Variants in TAS2R1 observed in about 807,000 individuals in gnomAD.
The protein encoded by TAS2R1 is taste 2 receptor member 1, also known as taste receptor type 2 member 1.
For synonymous variants in TAS2R1, 141 were observed against 134.2 expected (o/e 1.05, Z -0.35); for missense variants, 370 against 353.4 (o/e 1.05, Z -0.38).
the TAS2R1 span, among the ~76,000 whole-genome samples, chr5:9,858,688 G>A: frequency 1.3e-5 from 2 of 152,184 alleles, no homozygotes; most frequent in African/African-American, 4.8e-5. Context: ...TAGTCTCTGG[G>A]AGGACAATAT....
In TAS2R1 at chr5:9,684,314, T is replaced by A. The variant is rs75891380; in HGVS notation, c.-241-24733A>T. On this transcript the variant is annotated intron_variant, in intron 1 of 2. Coordinates refer to the TAS2R1 transcript ENST00000506620. The stretch of plus-strand genomic sequence containing the variant: ...AGTCAAGCACAGAAAGAGAAATACC[T>A]CACGTTCTTGCTCATATGTGGGAGC... Among the ~76,000 whole-genome samples the A allele has an allele frequency of 7.8e-3, 1,181 of 152,306 alleles. 11 individuals are homozygous for A. Among genetic ancestry groups the A allele is most frequent in the African/African-American group, 0.026 (1,085 of 41,568 alleles).
upstream of TAS2R1, chr5:9,712,925 C>T (rs1289233603): frequency 1.3e-5 from 2 of 152,090 alleles, no homozygotes; most frequent in African/African-American, 4.8e-5. Flanking sequence ...CACCCTCCCA[C>T]CTTCCTCACA....
the TAS2R1 span, chr5:9,883,975 T>A: frequency 6.6e-6 from 1 of 152,194 alleles, no homozygotes; most frequent in African/African-American, 2.4e-5. Flanking sequence ...TGTTCAGCCA[T>A]CTTGTGAGGA....
At chr5:9,875,005 C>T in the TAS2R1 span, among the ~76,000 whole-genome samples, 17 of 152,206 alleles carry the variant, frequency 1.1e-4, no homozygotes, top group South Asian at 6.2e-4. Flanking sequence ...GCTTAGGGAG[C>T]CCCCATAAAA....
the TAS2R1 span, among the ~76,000 whole-genome samples, chr5:9,858,516 G>A: frequency 1.3e-5 from 2 of 152,182 alleles, no homozygotes; most frequent in African/African-American, 4.8e-5. Flanking sequence ...AACACATTGA[G>A]TAAAAGGAGT....
At chr5:9,797,501 G>A in the TAS2R1 span, among the ~76,000 whole-genome samples, 1 of 152,106 alleles carries the variant, frequency 6.6e-6, no homozygotes, top group African/African-American at 2.4e-5. Flanking sequence ...ACAGAAGAAA[G>A]CATGAATTAA....
Position 9,682,028 on chromosome 5 carries a change from C to A in TAS2R1, c.-241-22447G>T, listed in dbSNP as rs985176449. 4.6e-5 allele frequency among the ~76,000 whole-genome samples: 7 copies of A among 152,104 alleles called. No individual in the cohort carries two copies. The East Asian group carries it at 1.3e-3, about 29-fold the overall frequency. On this transcript the variant is annotated intron_variant, in intron 1 of 2. Transcript: ENST00000506620. ...TCACCTGAGGACAAGGGTTATGTCTCATTTTTTTTCTTTATCTTCAATATG... is the reference window on the plus strand; with the variant it reads ...TCACCTGAGGACAAGGGTTATGTCTAATTTTTTTTCTTTATCTTCAATATG...
At chr5:9,735,573 A>T in the TAS2R1 span, among the ~76,000 whole-genome samples, 2 of 151,946 alleles carry the variant, frequency 1.3e-5, no homozygotes, top group Non-Finnish European at 2.9e-5. Context: ...TTTTAACCTC[A>T]GGTTTATAGA....
the TAS2R1 span, among the ~76,000 whole-genome samples, chr5:9,870,815 G>C: frequency 6.6e-6 from 1 of 152,094 alleles, no homozygotes; most frequent in Non-Finnish European, 1.5e-5. Flanking sequence ...TGAATGAGAG[G>C]ATCAAATGCA....
chr5:9,897,768 GA>G, the TAS2R1 span, among the ~76,000 whole-genome samples: 1 of 152,154 alleles, frequency 6.6e-6, no homozygotes, highest in South Asian at 2.1e-4. Context: ...TACTTTGGTA[GA>G]CTAAGCAGTT....
the TAS2R1 span, among the ~76,000 whole-genome samples, chr5:9,861,930 A>G: frequency 2.0e-5 from 3 of 152,222 alleles, no homozygotes; most frequent in African/African-American, 7.2e-5. Flanking sequence ...ACTTAAGCAT[A>G]ATGGAACGAA....
chr5:9,714,624 A>G (rs1734768783), upstream of TAS2R1, among the ~76,000 whole-genome samples: 1 of 152,260 alleles, frequency 6.6e-6, no homozygotes, highest in South Asian at 2.1e-4. Flanking sequence ...TGGAATAGGG[A>G]TTGGCACATA....
the TAS2R1 span, among the ~76,000 whole-genome samples, chr5:9,760,450 A>T: frequency 0.016 from 2,442 of 152,328 alleles, 59 homozygotes; most frequent in African/African-American, 0.053. Flanking sequence ...CCTCAACAGA[A>T]TATTAGCAAA....
chr5:9,646,671 C>T (rs1346301009), intron 2 of TAS2R1, among the ~76,000 whole-genome samples: 1 of 152,150 alleles, frequency 6.6e-6, no homozygotes, highest in Non-Finnish European at 1.5e-5. Context: ...CTTGCTGCTG[C>T]CTCTCCCCTT....
the TAS2R1 span, among the ~76,000 whole-genome samples, chr5:9,759,977 T>C: frequency 2.2e-3 from 342 of 152,188 alleles, 12 homozygotes; most frequent in East Asian, 0.042. Flanking sequence ...ACCAACAAAA[T>C]GAGAGACAAG....
the TAS2R1 span, among the ~76,000 whole-genome samples, chr5:9,805,214 C>G: frequency 1.9e-4 from 29 of 151,876 alleles, no homozygotes; most frequent in African/African-American, 6.3e-4. Context: ...AGACTCTGAA[C>G]AGACTAATAA....
the TAS2R1 span, among the ~76,000 whole-genome samples, chr5:9,836,962 G>A: frequency 1.7e-4 from 26 of 152,184 alleles, no homozygotes; most frequent in Non-Finnish European, 3.4e-4. Flanking sequence ...GCATTGCTGA[G>A]AGATTCCAGA....
chr5:9,778,342 G>A, the TAS2R1 span, among the ~76,000 whole-genome samples: 1 of 152,202 alleles, frequency 6.6e-6, no homozygotes, highest in East Asian at 1.9e-4. Context: ...AGCAGGCAGA[G>A]TAGATTTAGC....
At chr5:9,745,628 T>C in the TAS2R1 span, among the ~76,000 whole-genome samples, 1 of 152,056 alleles carries the variant, frequency 6.6e-6, no homozygotes, top group African/African-American at 2.4e-5. Flanking sequence ...TCTACAACCA[T>C]CTGACCTTCA....
Sources: gnomAD v4.1 joint callset for allele counts (sites outside exome capture counted in the v4.1 genomes callset) on GRCh38, gnomAD v4.1.1 for gene constraint, MANE v1.5 for transcripts, NCBI Gene and HGNC (gene_info 2026-07-23, HGNC 2026-07-21) for gene names.